MYH11: variants seen among roughly 807,000 people sequenced by gnomAD.
MYH11 encodes myosin-11.
Under a neutral mutation model 246.6 loss-of-function variants are expected in MYH11, and 80 were observed. The observed-to-expected ratio is 0.32, with a 90% CI of 0.27 to 0.39. The LOEUF (loss-of-function observed/expected upper bound fraction) is 0.39. MYH11 is among the 10% of genes least tolerant of loss of function. The probability of loss-of-function intolerance (pLI) is 1.00; values close to 1 mark genes in which losing one functional copy is unlikely to be tolerated. For synonymous variants in MYH11, 1,071 were observed against 1,015.5 expected, an observed-to-expected ratio of 1.05 and a Z score of -1.04; for missense variants, 2,158 against 2,546.8, an observed-to-expected ratio of 0.85 and a Z score of 3.29.
At position 15,724,181 on chromosome 16, in the gene MYH11, T is replaced by G. The variant is rs775809843; in HGVS notation, c.4345A>C (p.Lys1449Gln). The G allele has an allele frequency of 9.8e-5, 158 of 1,613,720 alleles. No individual in the cohort carries two copies. The highest frequency in any genetic ancestry group is 1.1e-4 in the Non-Finnish European group (134 of 1,180,050). ...QRQLVSNLEK[K>Q]QRKFDQLLAE... ...TCTACCTGATCAAATTTCCTCTGCT[T>G]CTTTTCCAGGTTGGACACGAGTTGC... The change falls in exon 31 of 41, where the codon AAG becomes CAG. Residue 1449 changes from lysine (K) to glutamine (Q), a missense_variant. Physicochemically the swap from Lys to Gln is moderately conservative, Grantham distance 53. Coordinates refer to ENST00000300036, the MANE Select transcript of MYH11 (RefSeq NM_002474.3).
At chr16:15,719,540 C>A in intron 35 of MYH11, 45 bp downstream of exon 35, 1 of 1,612,482 alleles carries the variant, frequency 6.2e-7, no homozygotes, top group Non-Finnish European at 8.5e-7. Flanking sequence ...GGGGTGCTAC[C>A]GTGACACCCG....
chr16:15,704,080 C>T lies in MYH11; in HGVS notation c.5830G>A (p.Gly1944Arg). The T allele has an allele frequency of 1.2e-6, 2 of 1,614,122 alleles. No homozygotes were observed. Among genetic ancestry groups the T allele is most frequent in the Non-Finnish European group, 8.5e-7 (1 of 1,180,034 alleles). The change falls in exon 41 of 41, where the codon GGA becomes AGA. Residue 1944 changes from glycine to arginine, a missense_variant. Around this residue, in one of 11 missense-constraint regions of MYH11, gnomAD observed 1,013 missense variants for 993.5 expected, o/e 1.02. Transcript: ENST00000300036. The part of the protein sequence containing the change: ...TSFVPSRRSG[G>R]RRVIENADGS... The stretch of plus-strand genomic sequence containing the variant: ...TCTGCATTTTCAATAACTCTACGTC[C>T]TCCAGACCTTCTAGAAGGAACGAAA...
Position 15,844,489 on chromosome 16 carries a change from C to T in MYH11, c.-17-6220G>A, listed in dbSNP as rs531711490. Among the ~76,000 whole-genome samples the T allele has an allele frequency of 1.8e-4, 28 of 152,274 alleles. No homozygotes were observed. The South Asian group carries it at 4.8e-3, about 26-fold the overall frequency. ...CTGACATTACAGGTGTGAGCCACCA[C>T]GCTCGGCCAGTACTCTCTTTCTTTA... On this transcript the variant is annotated intron_variant, in intron 1 of 40. Transcript: ENST00000300036.
chr16:15,828,591 G>A (rs940587277), intron 2 of MYH11, among the ~76,000 whole-genome samples: 1 of 152,090 alleles, frequency 6.6e-6, no homozygotes, highest in African/African-American at 2.4e-5. Context: ...TCAGGAGTTC[G>A]AGACCAGCCT....
chr16:15,774,836 G>A (rs4781690), intron 8 of MYH11, among the ~76,000 whole-genome samples: 28,261 of 152,106 alleles, frequency 0.19, 2,860 homozygotes, highest in Middle Eastern at 0.25. Flanking sequence ...TAATCCGCCC[G>A]CCTCTGCCTC....
chr16:15,819,373 T>G (rs1262479696), intron 3 of MYH11, among the ~76,000 whole-genome samples: 2 of 152,214 alleles, frequency 1.3e-5, no homozygotes, highest in Admixed American at 6.5e-5. Context: ...AACCACCGAC[T>G]GGTACTGCAC....
chr16:15,709,161 C>G (rs1006569593), intron 40 of MYH11, among the ~76,000 whole-genome samples: 2 of 151,580 alleles, frequency 1.3e-5, no homozygotes, highest in East Asian at 3.9e-4. Flanking sequence ...AGGCTTGTCT[C>G]CAACTCCTGA....
chr16:15,854,323 C>T (rs1286199453), intron 1 of MYH11, among the ~76,000 whole-genome samples: 1 of 152,162 alleles, frequency 6.6e-6, no homozygotes, highest in African/African-American at 2.4e-5. Flanking sequence ...TTACCAGGGG[C>T]CAGGCACTGT....
At chr16:15,832,641 G>A (rs2043770141) in intron 2 of MYH11, among the ~76,000 whole-genome samples, 1 of 152,162 alleles carries the variant, frequency 6.6e-6, no homozygotes, top group South Asian at 2.1e-4. Flanking sequence ...GTGTTAGCAG[G>A]TTGTAATCAT....
intron 3 of MYH11, among the ~76,000 whole-genome samples, chr16:15,808,787 G>C (rs2151334611): frequency 6.6e-6 from 1 of 152,278 alleles, no homozygotes; most frequent in East Asian, 1.9e-4. Context: ...CAGCTATTTG[G>C]AAGGCTGAGG....
chr16:15,722,889 G>A (rs1483516643), intron 31 of MYH11, among the ~76,000 whole-genome samples: 3 of 152,224 alleles, frequency 2.0e-5, no homozygotes, highest in East Asian at 3.9e-4. Context: ...GATTACAGGC[G>A]TGCGCCACCA....
intron 2 of MYH11, among the ~76,000 whole-genome samples, chr16:15,826,397 G>A (rs1489026024): frequency 6.6e-6 from 1 of 151,962 alleles, no homozygotes; most frequent in Non-Finnish European, 1.5e-5. Context: ...AGACCAGCTT[G>A]GGCAGCACAG....
intron 40 of MYH11, among the ~76,000 whole-genome samples, chr16:15,712,111 C>T (rs749949338): frequency 6.6e-6 from 1 of 152,150 alleles, no homozygotes; most frequent in Non-Finnish European, 1.5e-5. Flanking sequence ...TTGGCAACTT[C>T]ATCATTTTAG....
intron 14 of MYH11, among the ~76,000 whole-genome samples, chr16:15,755,370 A>T (rs539567801): frequency 2.6e-4 from 40 of 152,160 alleles, no homozygotes; most frequent in Non-Finnish European, 4.0e-4. Context: ...GCAATAGCAA[A>T]CTCAAGACCG....
rs368938309 is a variant in MYH11, at chr16:15,771,614, C to T, written c.988G>A (p.Val330Met). Residue 330 changes from valine (V) to methionine (M), a missense_variant, in exon 9 of 41, where the codon GTG becomes ATG. By Grantham distance (21) the Val-to-Met change is conservative. Coordinates refer to ENST00000300036, the MANE Select transcript of MYH11 (RefSeq NM_002474.3). ...AQDDEMFQETVEAMAIMGFSE... is the reference protein window; with the variant it reads ...AQDDEMFQETMEAMAIMGFSE... Reference sequence around the variant, plus strand: ...AAACCCATGATTGCCATGGCCTCCACGGTTTCCTGGAACATCTCATCATCC... The same window carrying T: ...AAACCCATGATTGCCATGGCCTCCATGGTTTCCTGGAACATCTCATCATCC... 53 of 1,613,856 alleles carry T rather than the reference C, an allele frequency of 3.3e-5. 1 individual carries two copies. The highest frequency in any genetic ancestry group is 4.4e-5 in the South Asian group (4 of 91,070).
At chr16:15,794,405 G>A (rs1332770292) in intron 4 of MYH11, among the ~76,000 whole-genome samples, 2 of 152,224 alleles carry the variant, frequency 1.3e-5, no homozygotes, top group East Asian at 1.9e-4. Context: ...TGAATACAGA[G>A]ACTGAAGATG....
chr16:15,822,865 G>A (rs1047392336), intron 3 of MYH11, among the ~76,000 whole-genome samples: 1 of 152,248 alleles, frequency 6.6e-6, no homozygotes, highest in Non-Finnish European at 1.5e-5. Context: ...GGAAACTGAG[G>A]CTGAAGAGGA....
rs771990666 is a variant in MYH11, at chr16:15,720,285, C to T, written c.4819G>A (p.Asp1607Asn). The change falls in exon 34 of 41, where the codon GAC (aspartate) becomes AAC (asparagine). Residue 1607 changes from aspartate to asparagine, a missense_variant. Around this residue, in one of 11 missense-constraint regions of MYH11, gnomAD observed 1,013 missense variants for 993.5 expected, o/e 1.02. Transcript: ENST00000300036. ...QLHEYETELEDERKQRALAAA... is the reference protein window; with the variant it reads ...QLHEYETELENERKQRALAAA... ...GCCAGGGCACGTTGCTTTCGCTCGTCTTCCAGTTCCGTCTCATACTCGTGA... is the reference window on the plus strand; with the variant it reads ...GCCAGGGCACGTTGCTTTCGCTCGTTTTCCAGTTCCGTCTCATACTCGTGA... 5.0e-6 allele frequency: 8 copies of T among 1,614,092 alleles called. No individual in the cohort carries two copies. Among genetic ancestry groups the T allele is most frequent in the Middle Eastern group, 1.6e-4 (1 of 6,062 alleles).
intron 1 of MYH11, among the ~76,000 whole-genome samples, chr16:15,849,962 C>T (rs1454055748): frequency 1.3e-5 from 2 of 152,090 alleles, no homozygotes. Flanking sequence ...TCTGTGACTC[C>T]CAGTCAAAGG....
Sources: gnomAD v4.1 joint callset for allele counts (sites outside exome capture counted in the v4.1 genomes callset) on GRCh38, gnomAD v4.1.1 for gene constraint, gnomAD v4.1.1 regional missense constraint, MANE v1.5 for transcripts, NCBI Gene and HGNC (gene_info 2026-07-23, HGNC 2026-07-21) for gene names.